The following CHST15 variants were observed in gnomAD, a reference collection of about 807,000 sequenced individuals.
The protein encoded by CHST15 is B cell RAG associated protein (GALNAC4S-6ST).
A neutral mutation model predicts 53.6 loss-of-function variants in CHST15; 30 were observed. The ratio of observed to expected loss-of-function variants is 0.56; its 90% CI spans 0.42 to 0.76. The LOEUF is 0.76. Among genes scored for constraint, CHST15 ranks in the 30% least tolerant of loss-of-function variants. The pLI, the probability that CHST15 is intolerant of heterozygous loss-of-function variation, is 0.00. For missense variants in CHST15, 627 were observed against 740.5 expected (o/e 0.85, Z 1.78); for synonymous variants, 296 against 289.8 (o/e 1.02, Z -0.22).
intron 1 of CHST15, among the ~76,000 whole-genome samples, chr10:124,053,166 A>G (rs1048901738): frequency 8.5e-5 from 13 of 152,208 alleles, no homozygotes; most frequent in African/African-American, 3.1e-4. Flanking sequence ...ATTGGTCTCA[A>G]TTTTTTCTTC....
At chr10:124,083,062 C>T (rs1356088076) in intron 1 of CHST15, among the ~76,000 whole-genome samples, 1 of 152,146 alleles carries the variant, frequency 6.6e-6, no homozygotes, top group Non-Finnish European at 1.5e-5. Context: ...GAATTGTATA[C>T]TTTGGGTGAA....
chr10:124,014,441 T>C, intron 6 of CHST15, among the ~76,000 whole-genome samples: 1 of 152,220 alleles, frequency 6.6e-6, no homozygotes, highest in East Asian at 1.9e-4. Flanking sequence ...TCAAAATTCA[T>C]TAGCTGTTTC....
chr10:124,021,560 A>C, intron 5 of CHST15, 148 bp from the exon 6 acceptor site: 1 of 1,397,846 alleles, frequency 7.2e-7, no homozygotes, highest in Non-Finnish European at 9.5e-7. Context: ...CAGATGAGCC[A>C]CCTCCCTCAT....
intron 1 of CHST15, among the ~76,000 whole-genome samples, chr10:124,052,087 A>G (rs755359738): frequency 4.6e-5 from 7 of 152,234 alleles, no homozygotes; most frequent in Non-Finnish European, 8.8e-5. Flanking sequence ...TTAAGGAAAA[A>G]AAATTCAATG....
At chr10:124,061,149 A>C (rs1184741162) in intron 1 of CHST15, among the ~76,000 whole-genome samples, 3 of 152,138 alleles carry the variant, frequency 2.0e-5, no homozygotes, top group Non-Finnish European at 2.9e-5. Flanking sequence ...ACTGCCTCTC[A>C]CTTCATGGAG....
chr10:124,044,448 C>G (rs759130283), intron 3 of CHST15, 132 bp downstream of exon 3: 3 of 728,310 alleles, frequency 4.1e-6, no homozygotes, highest in Admixed American at 3.6e-5. Context: ...TGCCTGGGAA[C>G]AGCCTCCTAA....
intron 6 of CHST15, among the ~76,000 whole-genome samples, chr10:124,017,832 G>A (rs1450659605): frequency 6.6e-6 from 1 of 152,026 alleles, no homozygotes; most frequent in South Asian, 2.1e-4. Context: ...TGCCAGGTTG[G>A]TGCTGAGTCT....
Position 124,024,984 on chromosome 10 carries a change from A to G in CHST15, c.1191-3572T>C, listed in dbSNP as rs1006398394. On this transcript the variant is annotated intron_variant, in intron 5 of 7. Transcript: ENST00000435907. The surrounding 1 kb of genome is among the most constrained non-coding windows in gnomAD (Gnocchi z 4.0). ...CCCAGTTTTTACCAAAGATGCCCACAGAACTACCCAAATTGTTTGGTGGAA... is the reference window on the plus strand; with the variant it reads ...CCCAGTTTTTACCAAAGATGCCCACGGAACTACCCAAATTGTTTGGTGGAA... 7.2e-5 allele frequency among the ~76,000 whole-genome samples: 11 copies of G among 152,258 alleles called. No individual in the cohort carries two copies. The highest frequency in any genetic ancestry group is 2.7e-4 in the African/African-American group (11 of 41,474).
rs1947935002 is a variant in CHST15 at position 124,045,129 on chromosome 10, A to AAC, written c.547-211_547-210insGT. Among the ~76,000 whole-genome samples the AAC allele has an allele frequency of 4.0e-5, 6 of 148,280 alleles. No homozygotes were observed. The East Asian group carries it at 1.2e-3, about 29-fold the overall frequency. ...CCGCCCCACAAAAAAAAAAAAAAAAAAAAAAAAAAAAAAAACTTGGAGAGA... is the reference window on the plus strand; with the variant it reads ...CCGCCCCACAAAAAAAAAAAAAAAAAACAAAAAAAAAAAAAAACTTGGAGAGA... On this transcript the variant is annotated intron_variant, in intron 2 of 7. Transcript: ENST00000435907.
At position 124,065,276 on chromosome 10, in the gene CHST15, G is replaced by C. The variant is rs372351706; in HGVS notation, c.-512-18552C>G. Among the ~76,000 whole-genome samples the C allele has an allele frequency of 1.1e-4, 16 of 152,280 alleles. No individual in the cohort carries two copies. In the East Asian group the frequency reaches 2.7e-3, roughly 26 times the overall value. ...GTGGTGCCTACAGTCCCAGCTACTT[G>C]GGAGGCTGAGGTCGGGGGATCTCTT... On this transcript the variant is annotated intron_variant, in intron 1 of 7. Transcript: ENST00000435907.
At chr10:124,035,773 C>T (rs1947472968) in intron 5 of CHST15, among the ~76,000 whole-genome samples, 3 of 152,178 alleles carry the variant, frequency 2.0e-5, no homozygotes, top group Admixed American at 1.3e-4. Flanking sequence ...TCTTATTCAT[C>T]CTTCAAAACC....
chr10:124,084,447 A>G (rs371785556), intron 1 of CHST15, among the ~76,000 whole-genome samples: 1 of 151,960 alleles, frequency 6.6e-6, no homozygotes, highest in East Asian at 2.0e-4. Flanking sequence ...AGAGAGCCTT[A>G]GGAACAAGCT....
At chr10:124,011,917 C>T (rs7897629) in intron 7 of CHST15, 259,277 of 931,618 alleles carry the variant, frequency 0.28, 35,891 homozygotes, top group East Asian at 0.35. Context: ...TCCTACAAAG[C>T]TCAGCTCTCA....
chr10:124,050,931 A>C (rs1948168866), intron 1 of CHST15, among the ~76,000 whole-genome samples: 1 of 152,050 alleles, frequency 6.6e-6, no homozygotes, highest in Non-Finnish European at 1.5e-5. Context: ...TGCAAGAAGG[A>C]AGGCATACTA....
At chr10:124,041,510 C>T (rs1442560013) in intron 4 of CHST15, among the ~76,000 whole-genome samples, 2 of 152,026 alleles carry the variant, frequency 1.3e-5, no homozygotes, top group African/African-American at 2.4e-5. Flanking sequence ...TTTTCCAAGA[C>T]AGTATATTTC....
chr10:124,043,314 G>C (rs1449072624), intron 3 of CHST15, among the ~76,000 whole-genome samples: 2 of 152,338 alleles, frequency 1.3e-5, no homozygotes, highest in Admixed American at 1.3e-4. Context: ...TACAGCAAGG[G>C]AGTGTGTTCA....
intron 1 of CHST15, among the ~76,000 whole-genome samples, chr10:124,049,897 G>A (rs1443066766): frequency 6.6e-6 from 1 of 152,078 alleles, no homozygotes; most frequent in Admixed American, 6.5e-5. Flanking sequence ...GGGCAGTCTG[G>A]TGAGACCGAG....
rs569044918 is a variant in CHST15 at position 124,014,571 on chromosome 10, A to G, written c.1348-2091T>C. Among the ~76,000 whole-genome samples, 7 of 152,292 alleles carry G rather than the reference A, an allele frequency of 4.6e-5. 1 individual carries two copies. The highest frequency in any genetic ancestry group is 1.3e-4 in the Admixed American group (2 of 15,302). On this transcript the variant is annotated intron_variant, in intron 6 of 7. Coordinates refer to ENST00000435907, the MANE Select transcript of CHST15 (RefSeq NM_001270764.2). Reference sequence around the variant, plus strand: ...AAATAAACATGTGTTGTCACCTCCAACGCAGACGAATCATGACGAGACCAA... The same window carrying G: ...AAATAAACATGTGTTGTCACCTCCAGCGCAGACGAATCATGACGAGACCAA...
At chr10:124,091,829 G>A (rs1949607648) in intron 1 of CHST15, among the ~76,000 whole-genome samples, 1 of 152,276 alleles carries the variant, frequency 6.6e-6, no homozygotes, top group African/African-American at 2.4e-5. Flanking sequence ...TACACTGGGC[G>A]CGGACCTCCA....
Sources: allele counts gnomAD v4.1 joint callset (sites outside exome capture counted in the v4.1 genomes callset), GRCh38; gene constraint gnomAD v4.1.1; non-coding constraint Gnocchi (gnomAD v3.1); transcripts MANE v1.5; gene names NCBI Gene and HGNC (gene_info 2026-07-23, HGNC 2026-07-21).